The following GABRG2 variants were observed in gnomAD, a reference collection of about 807,000 sequenced individuals.
The protein encoded by GABRG2 is gamma-aminobutyric acid type A receptor subunit gamma2, also known as gamma-aminobutyric acid receptor subunit gamma-2.
Under a neutral mutation model 56.4 loss-of-function variants are expected in GABRG2, and 16 were observed. That is an observed-to-expected ratio of 0.28 (90% CI 0.19 to 0.43). The LOEUF is 0.43. GABRG2 is among the 20% of genes least tolerant of loss of function. The pLI is 1.00. For synonymous variants in GABRG2, 208 were observed against 205.5 expected (o/e 1.01, Z -0.10); for missense variants, 327 against 582.7 (o/e 0.56, Z 4.52).
Position 162,152,888 on chromosome 5 carries a change from C to A in GABRG2, c.1153-205C>A, listed in dbSNP as rs1293526561. 12 of 631,586 alleles carry A rather than the reference C, an allele frequency of 1.9e-5. No individual in the cohort carries two copies. In the East Asian group the frequency reaches 2.2e-4, roughly 12 times the overall value. 39.1% of individuals were successfully genotyped at this position (631,586 alleles called of 1,614,324 possible). ...ATTAGCTTGATGATATTATTTTCAG[C>A]TGCACTGCTTAAGCTCAAAATTTGA... On this transcript the variant is annotated intron_variant, in intron 9 of 9. Coordinates refer to ENST00000639213, the MANE Select transcript of GABRG2 (RefSeq NM_198904.4).
rs545624559 is a variant in GABRG2 at position 162,109,923 on chromosome 5, G to T, written c.769+5897G>T. ...CTCCTGCCATCATAACGAATCACAA[G>T]GAAATATACCACATTTCTCCCAAAT... is the stretch of plus-strand genomic sequence containing the variant. On this transcript the variant is annotated intron_variant, in intron 6 of 9. Coordinates refer to ENST00000639213, the MANE Select transcript of GABRG2 (RefSeq NM_198904.4). Among the ~76,000 whole-genome samples, 156 of 152,008 alleles carry T rather than the reference G, an allele frequency of 1.0e-3. 5 individuals carry two copies. The East Asian group carries it at 0.013, about 13-fold the overall frequency.
At chr5:162,138,688 G>C (rs1463498946) in intron 6 of GABRG2, among the ~76,000 whole-genome samples, 4 of 152,120 alleles carry the variant, frequency 2.6e-5, no homozygotes, top group African/African-American at 9.7e-5. Context: ...CTATCTTTTA[G>C]TTGAATAAGA....
At chr5:162,068,654 A>C (rs1758424800) in intron 1 of GABRG2, among the ~76,000 whole-genome samples, 2 of 152,102 alleles carry the variant, frequency 1.3e-5, no homozygotes. Context: ...CCCAACAGCC[A>C]ACTACCCGTG....
At chr5:162,108,152 A>C (rs530481553) in intron 6 of GABRG2, among the ~76,000 whole-genome samples, 2 of 152,202 alleles carry the variant, frequency 1.3e-5, no homozygotes, top group Non-Finnish European at 2.9e-5. Context: ...TTCCTGCAGA[A>C]ATCAAGGGCA....
intron 1 of GABRG2, among the ~76,000 whole-genome samples, chr5:162,081,589 A>G (rs1018273513): frequency 3.9e-5 from 6 of 152,160 alleles, no homozygotes; most frequent in African/African-American, 7.2e-5. Context: ...AGACACATAC[A>G]GTTCATTTAG....
chr5:162,111,194 T>C (rs544853044), intron 6 of GABRG2, among the ~76,000 whole-genome samples: 1 of 152,308 alleles, frequency 6.6e-6, no homozygotes, highest in South Asian at 2.1e-4. Context: ...ACATACTGCT[T>C]GGGGTTTAGG....
intron 5 of GABRG2, 85 bp from the exon 6 acceptor site, chr5:162,103,804 C>T: frequency 7.0e-7 from 1 of 1,437,362 alleles, no homozygotes. Context: ...TCAGTCTTTA[C>T]CTCAGTGTCA....
intron 1 of GABRG2, among the ~76,000 whole-genome samples, chr5:162,089,871 G>A (rs760407997): frequency 1.3e-4 from 19 of 151,972 alleles, no homozygotes; most frequent in Admixed American, 2.6e-4. Flanking sequence ...TAAATATATC[G>A]AAATCTGAAA....
chr5:162,113,379 T>C (rs1380782050), intron 6 of GABRG2, among the ~76,000 whole-genome samples: 1 of 152,206 alleles, frequency 6.6e-6, no homozygotes, highest in Non-Finnish European at 1.5e-5. Flanking sequence ...AATTAACTAC[T>C]CTTTTCAGTG....
intron 1 of GABRG2, among the ~76,000 whole-genome samples, chr5:162,082,126 G>A (rs1759713788): frequency 6.6e-6 from 1 of 151,648 alleles, no homozygotes. Context: ...TGATACTACT[G>A]GTGATTATGT....
chr5:162,147,552 G>A lies in GABRG2; in HGVS notation c.923-1556G>A, dbSNP rs144799711. 4.3e-3 allele frequency among the ~76,000 whole-genome samples: 661 copies of A among 152,072 alleles called. 13 individuals carry two copies. Among genetic ancestry groups the A allele is most frequent in the East Asian group, 0.038 (197 of 5,120 alleles). ...GCTAACTTTTTGTATTTTTAGTAGAGACAAGGTTTCACTATGTTGGTCAGG... is the reference window on the plus strand; with the variant it reads ...GCTAACTTTTTGTATTTTTAGTAGAAACAAGGTTTCACTATGTTGGTCAGG... On this transcript the variant is annotated intron_variant, in intron 7 of 9. Coordinates refer to ENST00000639213, the MANE Select transcript of GABRG2 (RefSeq NM_198904.4).
At chr5:162,146,946 A>G (rs917461230) in intron 7 of GABRG2, among the ~76,000 whole-genome samples, 1 of 152,236 alleles carries the variant, frequency 6.6e-6, no homozygotes, top group Non-Finnish European at 1.5e-5. Context: ...TTGGAAATGT[A>G]GCTGAACTCT....
At chr5:162,075,880 T>G (rs1375937299) in intron 1 of GABRG2, among the ~76,000 whole-genome samples, 1 of 152,066 alleles carries the variant, frequency 6.6e-6, no homozygotes, top group Non-Finnish European at 1.5e-5. Flanking sequence ...CCAGTTTCAC[T>G]CTGTCTTTTC....
chr5:162,102,340 C>T, intron 5 of GABRG2: 1 of 365,650 alleles, frequency 2.7e-6, no homozygotes, highest in Non-Finnish European at 5.5e-6. Flanking sequence ...TTTAATACTC[C>T]AATTGGGACT....
intron 6 of GABRG2, among the ~76,000 whole-genome samples, chr5:162,132,309 A>C (rs994347791): frequency 1.3e-5 from 2 of 152,132 alleles, no homozygotes; most frequent in African/African-American, 4.8e-5. Context: ...AGTAGATGGA[A>C]AAAGTTGTTC....
intron 6 of GABRG2, among the ~76,000 whole-genome samples, chr5:162,117,209 A>G (rs1762679072): frequency 6.6e-6 from 1 of 152,204 alleles, no homozygotes; most frequent in Admixed American, 6.6e-5. Context: ...TATAAACATA[A>G]GCAAAATTTT....
intron 9 of GABRG2, 155 bp downstream of exon 9, chr5:162,151,908 TTCAG>T: frequency 4.6e-6 from 3 of 652,376 alleles, no homozygotes; most frequent in Non-Finnish European, 7.9e-6. Flanking sequence ...CTAGAGTTGA[TTCAG>T]CAACTATACA....
chr5:162,081,143 T>G, intron 1 of GABRG2, among the ~76,000 whole-genome samples: 1 of 152,108 alleles, frequency 6.6e-6, no homozygotes. Context: ...AAAAAGAGAT[T>G]AAAAATTGTA....
At chr5:162,106,378 A>G (rs967594478) in intron 6 of GABRG2, among the ~76,000 whole-genome samples, 4 of 151,960 alleles carry the variant, frequency 2.6e-5, no homozygotes, top group Admixed American at 6.6e-5. Flanking sequence ...GTGTAGTACT[A>G]TTTCAACGGG....
Sources: gnomAD v4.1 joint callset for allele counts (sites outside exome capture counted in the v4.1 genomes callset) on GRCh38, gnomAD v4.1.1 for gene constraint, MANE v1.5 for transcripts, NCBI Gene and HGNC (gene_info 2026-07-23, HGNC 2026-07-21) for gene names.